The following EEF2K variants were observed in gnomAD, a reference collection of about 807,000 sequenced individuals.
EEF2K encodes the protein alternative protein EEF2K.
A neutral mutation model predicts 93.8 loss-of-function variants in EEF2K; 70 were observed. The ratio of observed to expected loss-of-function variants is 0.75; its 90% CI spans 0.62 to 0.91. The LOEUF (loss-of-function observed/expected upper bound fraction) is 0.91. Ranked by LOEUF, EEF2K falls within the 40% of genes least tolerant of loss-of-function variation. EEF2K has a pLI of 0.00. For synonymous variants in EEF2K, 376 were observed against 380.8 expected, an observed-to-expected ratio of 0.99 and a Z score of 0.15; for missense variants, 935 against 972.9, an observed-to-expected ratio of 0.96 and a Z score of 0.52.
Position 22,284,744 on chromosome 16 carries a change from G to A in EEF2K, c.*748G>A, listed in dbSNP as rs539956491. 1.9e-4 allele frequency: 29 copies of A among 152,248 alleles called. No individual in the cohort carries two copies. In the East Asian group the frequency reaches 5.6e-3, roughly 29 times the overall value. 9.4% of individuals were successfully genotyped at this position (152,248 alleles called of 1,614,324 possible). A position where few individuals can be genotyped will look rare whatever the true frequency, so the allele number is the denominator to read the frequency against. ...TGGAGCCCTGTGTTTTGTGCATCGG[G>A]ATGAGAAATGAAGCACTTCACGCTG... On this transcript the variant is annotated 3_prime_UTR_variant, in exon 18 of 18. Transcript: ENST00000263026.
chr16:22,250,941 G>A (rs1049968414), intron 5 of EEF2K, among the ~76,000 whole-genome samples: 1 of 152,174 alleles, frequency 6.6e-6, no homozygotes, highest in Non-Finnish European at 1.5e-5. Flanking sequence ...AAATGGGATA[G>A]GAGACCTTTA....
intron 3 of EEF2K, among the ~76,000 whole-genome samples, chr16:22,245,263 A>G (rs1180856895): frequency 6.6e-6 from 1 of 152,168 alleles, no homozygotes; most frequent in Non-Finnish European, 1.5e-5. Context: ...GTAACACTCC[A>G]TGTCAAAAAT....
chr16:22,274,222 C>T (rs956851785), intron 16 of EEF2K, among the ~76,000 whole-genome samples: 3 of 152,044 alleles, frequency 2.0e-5, no homozygotes, highest in African/African-American at 7.2e-5. Context: ...GAGGGCAGAT[C>T]ATGAGGTCAG....
intron 1 of EEF2K, among the ~76,000 whole-genome samples, chr16:22,225,105 T>C (rs2047050006): frequency 6.6e-6 from 1 of 152,070 alleles, no homozygotes; most frequent in African/African-American, 2.4e-5. Context: ...AGCTCAATGA[T>C]GAGAAAGAAC....
At chr16:22,219,364 C>CTCA (rs1340618558) in intron 1 of EEF2K, among the ~76,000 whole-genome samples, 11 of 152,246 alleles carry the variant, frequency 7.2e-5, no homozygotes, top group Non-Finnish European at 1.2e-4. Context: ...GGTGCAGTGG[C>CTCA]TCACGCCTGT....
At chr16:22,229,156 A>C (rs752851412) in intron 2 of EEF2K, among the ~76,000 whole-genome samples, 9 of 151,914 alleles carry the variant, frequency 5.9e-5, no homozygotes, top group Non-Finnish European at 1.3e-4. Flanking sequence ...AAAACAAAAA[A>C]CAAAAACCTC....
At chr16:22,231,379 G>A (rs1476426488) in intron 2 of EEF2K, among the ~76,000 whole-genome samples, 4 of 150,928 alleles carry the variant, frequency 2.7e-5, no homozygotes, top group Non-Finnish European at 3.0e-5. Flanking sequence ...ACCTCCCAAA[G>A]TGCTGGGATT....
intron 15 of EEF2K, among the ~76,000 whole-genome samples, chr16:22,269,138 C>G (rs1189688496): frequency 6.6e-6 from 1 of 152,078 alleles, no homozygotes; most frequent in Admixed American, 6.6e-5. Flanking sequence ...GAAATTTGTT[C>G]TCTCACAGTT....
intron 2 of EEF2K, among the ~76,000 whole-genome samples, chr16:22,240,353 A>G (rs1355966898): frequency 6.6e-6 from 1 of 152,198 alleles, no homozygotes; most frequent in East Asian, 1.9e-4. Context: ...TCTGTGCCAA[A>G]AGAATTTTAG....
In EEF2K at chr16:22,257,723, C is replaced by G. The variant is rs758471669; in HGVS notation, c.982C>G (p.Leu328Val). ...GAGCATGGGCCTTGCTCCCTTTGACCTCTCGCCCCGGGAGAGGGATGCAGT... is the reference window on the plus strand; with the variant it reads ...GAGCATGGGCCTTGCTCCCTTTGACGTCTCGCCCCGGGAGAGGGATGCAGT... The part of the protein sequence containing the change: ...CESMGLAPFD[L>V]SPRERDAVNQ... The change falls in exon 9 of 18, where the codon CTC becomes GTC. Residue 328 changes from leucine (L) to valine (V), a missense_variant. Leu to Val is a conservative substitution (Grantham distance 32, BLOSUM62 1). Coordinates refer to ENST00000263026, the MANE Select transcript of EEF2K (RefSeq NM_013302.5). 6.2e-7 allele frequency: 1 copy of G among 1,614,016 alleles called. No homozygotes were observed. Among genetic ancestry groups the G allele is most frequent in the South Asian group, 1.1e-5 (1 of 91,084 alleles).
At chr16:22,267,702 T>C (rs2047538966) in intron 15 of EEF2K, among the ~76,000 whole-genome samples, 1 of 151,956 alleles carries the variant, frequency 6.6e-6, no homozygotes, top group South Asian at 2.1e-4. Flanking sequence ...AGGAACAGCA[T>C]GTGCTTAGGC....
At chr16:22,253,646 C>T (rs2141671564) in intron 6 of EEF2K, among the ~76,000 whole-genome samples, 1 of 151,908 alleles carries the variant, frequency 6.6e-6, no homozygotes, top group African/African-American at 2.4e-5. Flanking sequence ...CCAGTCACCT[C>T]TGTCACATCA....
chr16:22,257,851 A>G (rs1216825829), intron 9 of EEF2K, 81 bp downstream of exon 9: 4 of 1,561,348 alleles, frequency 2.6e-6, no homozygotes, highest in Non-Finnish European at 1.7e-6. Context: ...CTGTGTGGTG[A>G]CAGCCAGGTC....
chr16:22,226,471 G>A (rs960782771), intron 2 of EEF2K, among the ~76,000 whole-genome samples: 10 of 143,404 alleles, frequency 7.0e-5, no homozygotes, highest in Admixed American at 6.2e-4. Context: ...CCCAAACTAA[G>A]GACCTTATTT....
chr16:22,240,156 A>G (rs2047207767), intron 2 of EEF2K, among the ~76,000 whole-genome samples: 1 of 152,052 alleles, frequency 6.6e-6, no homozygotes, highest in Non-Finnish European at 1.5e-5. Context: ...AATGTTTTAG[A>G]CATACACATG....
At chr16:22,274,640 C>T (rs1301428110) in intron 16 of EEF2K, among the ~76,000 whole-genome samples, 1 of 152,068 alleles carries the variant, frequency 6.6e-6, no homozygotes, top group Non-Finnish European at 1.5e-5. Flanking sequence ...CAGGGTCTCA[C>T]TCTGTCACCC....
intron 2 of EEF2K, among the ~76,000 whole-genome samples, chr16:22,243,025 T>C (rs1163253953): frequency 6.6e-6 from 1 of 151,572 alleles, no homozygotes; most frequent in Admixed American, 6.6e-5. Context: ...ATCATGCCAC[T>C]GCACTCCGGC....
intron 10 of EEF2K, among the ~76,000 whole-genome samples, chr16:22,260,226 G>A (rs1297879302): frequency 6.6e-6 from 1 of 152,168 alleles, no homozygotes; most frequent in East Asian, 1.9e-4. Flanking sequence ...ACACATAGGT[G>A]ACACCACTTG....
At chr16:22,264,956 CAT>C in intron 13 of EEF2K, 76 bp downstream of exon 13, 1 of 1,538,622 alleles carries the variant, frequency 6.5e-7, no homozygotes, top group African/African-American at 1.4e-5. Context: ...TCTCCTGTCT[CAT>C]ATCTCTGCTG....
Sources: gnomAD v4.1 joint callset for allele counts (sites outside exome capture counted in the v4.1 genomes callset) on GRCh38, gnomAD v4.1.1 for gene constraint, MANE v1.5 for transcripts, NCBI Gene and HGNC (gene_info 2026-07-23, HGNC 2026-07-21) for gene names.